The following AKAP13 variants were observed in gnomAD, a reference collection of about 807,000 sequenced individuals.
AKAP13 encodes A-kinase anchor protein 13.
Under a neutral mutation model 264.5 loss-of-function variants are expected in AKAP13, and 80 were observed. That is an observed-to-expected ratio of 0.30 (90% CI 0.25 to 0.36). The LOEUF (loss-of-function observed/expected upper bound fraction) is 0.36. Among genes scored for constraint, AKAP13 ranks in the 10% least tolerant of loss-of-function variants. The pLI is 1.00. For synonymous variants in AKAP13, 1,380 were observed against 1,250.2 expected (o/e 1.10, Z -2.19); for missense variants, 3,712 against 3,435.2 (o/e 1.08, Z -2.01).
chr15:85,716,003 T>A, intron 20 of AKAP13, 80 bp downstream of exon 20: 1 of 440,200 alleles, frequency 2.3e-6, no homozygotes. Context: ...GACAAAAAGC[T>A]TTTTTTTTTT....
At chr15:85,576,671 C>T (rs904398898) in intron 6 of AKAP13, among the ~76,000 whole-genome samples, 4 of 152,186 alleles carry the variant, frequency 2.6e-5, no homozygotes, top group Non-Finnish European at 5.9e-5. Context: ...TATTTGAGAC[C>T]AGCAAGCCAA....
chr15:85,418,914 A>G (rs1460939280), intron 1 of AKAP13, among the ~76,000 whole-genome samples: 1 of 152,228 alleles, frequency 6.6e-6, no homozygotes, highest in Admixed American at 6.5e-5. Context: ...TTAAGTATAG[A>G]TAATTAAATT....
intron 2 of AKAP13, among the ~76,000 whole-genome samples, chr15:85,486,221 C>T (rs1211202696): frequency 6.6e-6 from 1 of 151,968 alleles, no homozygotes; most frequent in Non-Finnish European, 1.5e-5. Flanking sequence ...GTTGTCATTT[C>T]ACTTTCTTGA....
chr15:85,483,365 G>A (rs1434866313), intron 1 of AKAP13, among the ~76,000 whole-genome samples: 3 of 152,184 alleles, frequency 2.0e-5, no homozygotes, highest in African/African-American at 4.8e-5. Flanking sequence ...GGTGGCTTAC[G>A]CCTGTAATCC....
At chr15:85,394,263 C>G (rs1468300826) in intron 1 of AKAP13, among the ~76,000 whole-genome samples, 1 of 152,196 alleles carries the variant, frequency 6.6e-6, no homozygotes, top group Non-Finnish European at 1.5e-5. Flanking sequence ...TAGCTTTCAG[C>G]CCAGTTTGGC....
intron 13 of AKAP13, among the ~76,000 whole-genome samples, chr15:85,667,034 C>A (rs534592158): frequency 3.3e-5 from 5 of 152,086 alleles, no homozygotes; most frequent in South Asian, 2.1e-4. Flanking sequence ...GAAACACTTA[C>A]AATTTAAAAA....
At chr15:85,725,590 G>C (rs1170988589) in intron 26 of AKAP13, among the ~76,000 whole-genome samples, 1 of 152,148 alleles carries the variant, frequency 6.6e-6, no homozygotes, top group Non-Finnish European at 1.5e-5. Context: ...TGCGGCAGAG[G>C]TAGAAGAAAA....
Position 85,682,216 on chromosome 15 carries a change from C to G in AKAP13, c.5156+4C>G, listed in dbSNP as rs1185040416. 6.2e-7 allele frequency: 1 copy of G among 1,612,326 alleles called. No homozygotes were observed. The highest frequency in any genetic ancestry group is 8.5e-7 in the Non-Finnish European group (1 of 1,179,454). ...CCAGTGCTAATCTGACTGAGAGGTACTATAAATTTGTTACTCCTTTTTCCA... is the reference window on the plus strand; with the variant it reads ...CCAGTGCTAATCTGACTGAGAGGTAGTATAAATTTGTTACTCCTTTTTCCA... On this transcript the variant is annotated splice_donor_region_variant and intron_variant, in intron 15 of 36. Transcript: ENST00000394518.
chr15:85,482,220 CT>C (rs1317144883), intron 1 of AKAP13, among the ~76,000 whole-genome samples: 1 of 152,128 alleles, frequency 6.6e-6, no homozygotes, highest in African/African-American at 2.4e-5. Flanking sequence ...CTATTACTTG[CT>C]TTTTTATTTT....
At chr15:85,640,931 A>T (rs145558185) in intron 9 of AKAP13, among the ~76,000 whole-genome samples, 251 of 152,236 alleles carry the variant, frequency 1.6e-3, no homozygotes, top group African/African-American at 5.6e-3. Flanking sequence ...CCTACTGTAC[A>T]CCCTAACCCC....
Position 85,717,390 on chromosome 15 carries a change from C to A in AKAP13, c.5836C>A (p.Leu1946Ile), listed in dbSNP as rs1370077976. The A allele has an allele frequency of 6.2e-7, 1 of 1,610,798 alleles. No individual in the cohort carries two copies. Among genetic ancestry groups the A allele is most frequent in the East Asian group, 2.2e-5 (1 of 44,820 alleles). The part of the protein sequence containing the change: ...ISKVNESTES[L>I]TDEGVGTDMN... Reference sequence around the variant, plus strand: ...CAAGGTCAATGAGTCAACAGAATCACTTACTGATGAGGGTAAGAGGAAGTT... The same window carrying A: ...CAAGGTCAATGAGTCAACAGAATCAATTACTGATGAGGGTAAGAGGAAGTT... Residue 1946 changes from leucine (L) to isoleucine (I), a missense_variant, in exon 21 of 37, where the codon CTT (leucine) becomes ATT (isoleucine). Coordinates refer to ENST00000394518, the MANE Select transcript of AKAP13 (RefSeq NM_007200.5).
chr15:85,516,337 A>C (rs1567099196), intron 2 of AKAP13, among the ~76,000 whole-genome samples: 1 of 152,244 alleles, frequency 6.6e-6, no homozygotes, highest in Non-Finnish European at 1.5e-5. Context: ...GTTAAACAAC[A>C]TACCCCAAGT....
chr15:85,748,419 C>T lies in AKAP13; in HGVS notation c.*3742C>T, dbSNP rs1234348681. ...GCTGCTGGAGATCTGTGTGCCTTGC[C>T]TTCCTTCAGCAGGACCGTCTAGGTG... is the stretch of plus-strand genomic sequence containing the variant. On this transcript the variant is annotated 3_prime_UTR_variant, in exon 37 of 37. Coordinates refer to ENST00000394518, the MANE Select transcript of AKAP13 (RefSeq NM_007200.5). 6.6e-6 allele frequency: 1 copy of T among 152,242 alleles called. No homozygotes were observed. Among genetic ancestry groups the T allele is most frequent in the African/African-American group, 2.4e-5 (1 of 41,454 alleles). The allele number at this position is 152,242 out of a possible 1,614,324, so 9.4% of individuals were successfully genotyped here.
intron 17 of AKAP13, among the ~76,000 whole-genome samples, chr15:85,703,849 A>AT (rs1288662980): frequency 2.7e-4 from 39 of 143,978 alleles, no homozygotes; most frequent in African/African-American, 9.2e-4. Flanking sequence ...TCTCAAAAAA[A>AT]AAAAATATAT....
chr15:85,384,942 C>CA (rs1395686259), intron 1 of AKAP13, among the ~76,000 whole-genome samples: 1 of 152,082 alleles, frequency 6.6e-6, no homozygotes, highest in African/African-American at 2.4e-5. Context: ...TTGTGTGGGG[C>CA]AATGCTGTGT....
intron 8 of AKAP13, among the ~76,000 whole-genome samples, chr15:85,587,814 T>G (rs2079423144): frequency 6.6e-6 from 1 of 152,110 alleles, no homozygotes; most frequent in Non-Finnish European, 1.5e-5. Context: ...GCCCGGCTAC[T>G]TTTTTGTGTT....
chr15:85,413,455 A>C (rs2072082666), intron 1 of AKAP13, among the ~76,000 whole-genome samples: 1 of 152,222 alleles, frequency 6.6e-6, no homozygotes, highest in Non-Finnish European at 1.5e-5. Context: ...AGATTGTCTG[A>C]AAATGTTATT....
At chr15:85,647,667 C>T (rs183723610) in intron 10 of AKAP13, among the ~76,000 whole-genome samples, 25 of 152,112 alleles carry the variant, frequency 1.6e-4, no homozygotes, top group African/African-American at 5.1e-4. Context: ...CATTTAGGAC[C>T]GGGCGCAATG....
At chr15:85,527,062 C>A (rs1432066867) in intron 3 of AKAP13, among the ~76,000 whole-genome samples, 1 of 151,520 alleles carries the variant, frequency 6.6e-6, no homozygotes, top group Admixed American at 6.6e-5. Context: ...TCAGGCCATT[C>A]TCCTGCCTCA....
Sources: gnomAD v4.1 joint callset for allele counts (sites outside exome capture counted in the v4.1 genomes callset) on GRCh38, gnomAD v4.1.1 for gene constraint, MANE v1.5 for transcripts, NCBI Gene and HGNC (gene_info 2026-07-23, HGNC 2026-07-21) for gene names.